Variants in ARMC8 observed in about 807,000 individuals in gnomAD.
ARMC8 encodes the protein armadillo repeat-containing protein 8.
Under a neutral mutation model 99.3 loss-of-function variants are expected in ARMC8, and 20 were observed. That is an observed-to-expected ratio of 0.20 (90% CI 0.14 to 0.29). The LOEUF (loss-of-function observed/expected upper bound fraction) is 0.29, where lower values mean the gene tolerates loss of function less well. ARMC8 is among the 10% of genes least tolerant of loss of function. The pLI is 1.00. For synonymous variants in ARMC8, 263 were observed against 278.3 expected, an observed-to-expected ratio of 0.95 and a Z score of 0.55; for missense variants, 569 against 809.5, an observed-to-expected ratio of 0.70 and a Z score of 3.60.
chr3:138,202,123 G>A (rs1013985402), intron 1 of ARMC8, among the ~76,000 whole-genome samples: 11 of 152,088 alleles, frequency 7.2e-5, no homozygotes, highest in South Asian at 6.2e-4. Context: ...CCCCAAACCA[G>A]GATTTTCTCT....
At chr3:138,194,805 A>T (rs191595896) in intron 1 of ARMC8, among the ~76,000 whole-genome samples, 54 of 152,290 alleles carry the variant, frequency 3.5e-4, no homozygotes, top group African/African-American at 1.3e-3. Context: ...GGCAATAATT[A>T]GGAAAAAAAA....
chr3:138,269,717 T>C (rs1476584238), intron 15 of ARMC8, among the ~76,000 whole-genome samples: 2 of 151,920 alleles, frequency 1.3e-5, no homozygotes, highest in Non-Finnish European at 2.9e-5. Context: ...AATGGGATCA[T>C]AAGGGTCTGT....
intron 12 of ARMC8, chr3:138,262,614 T>G: frequency 6.8e-7 from 1 of 1,461,234 alleles, no homozygotes; most frequent in African/African-American, 1.4e-5. Flanking sequence ...AAAAAAAAAA[T>G]TTAGGTGCCT....
chr3:138,247,451 C>G (rs2046932287), intron 12 of ARMC8, among the ~76,000 whole-genome samples: 1 of 152,152 alleles, frequency 6.6e-6, no homozygotes, highest in Admixed American at 6.5e-5. Flanking sequence ...TACTTCTCCC[C>G]CTCAAAAACC....
intron 5 of ARMC8, among the ~76,000 whole-genome samples, 163 bp downstream of exon 5, chr3:138,223,896 G>A (rs2045539791): frequency 6.6e-6 from 1 of 152,048 alleles, no homozygotes; most frequent in Non-Finnish European, 1.5e-5. Context: ...GGCTGAGGTG[G>A]GAGGATTGCT....
chr3:138,258,445 T>G (rs1163474498), intron 12 of ARMC8, among the ~76,000 whole-genome samples: 1 of 152,242 alleles, frequency 6.6e-6, no homozygotes, highest in Non-Finnish European at 1.5e-5. Flanking sequence ...TTGGATCTAC[T>G]AAAGGTCATG....
chr3:138,240,132 T>C (rs2046538679), intron 10 of ARMC8, among the ~76,000 whole-genome samples: 1 of 152,196 alleles, frequency 6.6e-6, no homozygotes, highest in South Asian at 2.1e-4. Flanking sequence ...CTCCAGATTA[T>C]GAAAATTGAA....
chr3:138,229,132 GTGTATATATA>G (rs1280125987), intron 6 of ARMC8, 122 bp downstream of exon 6: 2 of 110,068 alleles, frequency 1.8e-5, no homozygotes, highest in African/African-American at 9.7e-5. Context: ...GTGTGTGTGC[GTGTATATATA>G]TATATATATA....
At chr3:138,226,465 A>G (rs2045702468) in intron 5 of ARMC8, among the ~76,000 whole-genome samples, 1 of 152,230 alleles carries the variant, frequency 6.6e-6, no homozygotes, top group Non-Finnish European at 1.5e-5. Flanking sequence ...TTTATGATCC[A>G]GTGAGTCTTG....
At chr3:138,237,209 C>A in intron 7 of ARMC8, 100 bp from the exon 8 acceptor site, 1 of 1,010,350 alleles carries the variant, frequency 9.9e-7, no homozygotes, top group Admixed American at 2.2e-5. Flanking sequence ...GTATTTTAAG[C>A]AGATTTACAT....
At chr3:138,235,752 T>G (rs2046297036) in intron 7 of ARMC8, among the ~76,000 whole-genome samples, 1 of 152,058 alleles carries the variant, frequency 6.6e-6, no homozygotes, top group Non-Finnish European at 1.5e-5. Flanking sequence ...AAGCAGTCAT[T>G]TTTGTCTTCT....
chr3:138,228,595 C>T (rs2045817017), intron 5 of ARMC8: 1 of 432,222 alleles, frequency 2.3e-6, no homozygotes. Context: ...AGTTACCTCA[C>T]ATTTTGGTTT....
intron 19 of ARMC8, chr3:138,287,521 T>G (rs2050546062): frequency 2.5e-6 from 1 of 404,358 alleles, no homozygotes; most frequent in Non-Finnish European, 5.1e-6. Context: ...AATAAACTTA[T>G]GCATAGTAAA....
chr3:138,190,847 G>C (rs1291212538), intron 1 of ARMC8, among the ~76,000 whole-genome samples: 4 of 152,136 alleles, frequency 2.6e-5, no homozygotes, highest in African/African-American at 9.7e-5. Context: ...TTAGCCTAGT[G>C]GGAAAAATAG....
chr3:138,211,942 G>C (rs896175525), intron 2 of ARMC8, among the ~76,000 whole-genome samples: 1 of 152,146 alleles, frequency 6.6e-6, no homozygotes, highest in Non-Finnish European at 1.5e-5. Flanking sequence ...AGAAGAGAAA[G>C]GGGGAAAAAA....
intron 7 of ARMC8, among the ~76,000 whole-genome samples, chr3:138,235,798 C>CTTTTTTTTTTTTTTTTTTTTT (rs71146120): frequency 1.2e-5 from 1 of 80,540 alleles, no homozygotes; most frequent in Non-Finnish European, 2.3e-5. Context: ...TCCTTTTAGT[C>CTTTTTTTTTTTTTTTTTTTTT]TTTTTTTTTT....
At chr3:138,188,237 A>G (rs2043185421) in intron 1 of ARMC8, 2 of 512,234 alleles carry the variant, frequency 3.9e-6, no homozygotes, top group Non-Finnish European at 6.5e-6. Flanking sequence ...GCTCTGAGTC[A>G]GAGGAACTCT....
chr3:138,245,188 G>A lies in ARMC8; in HGVS notation c.1134+5G>A, dbSNP rs779134602. On this transcript the variant is annotated splice_donor_5th_base_variant and intron_variant, in intron 12 of 21. Transcript: ENST00000469044. ...GATGAAGACATCCGGAAGAAGGTGA[G>A]TCTGGGAGAGGGGCGTCCCCCAGTC... 1 of 1,614,224 alleles carries A rather than the reference G, an allele frequency of 6.2e-7. No homozygotes were observed. The highest frequency in any genetic ancestry group is 8.5e-7 in the Non-Finnish European group (1 of 1,180,040).
intron 18 of ARMC8, among the ~76,000 whole-genome samples, chr3:138,280,477 CT>C (rs369199976): frequency 2.3e-3 from 336 of 148,818 alleles, no homozygotes; most frequent in Non-Finnish European, 3.6e-3. Flanking sequence ...ACCACCATGC[CT>C]GGTTACTTTC....
Sources: gnomAD v4.1 joint callset for allele counts (sites outside exome capture counted in the v4.1 genomes callset) on GRCh38, gnomAD v4.1.1 for gene constraint, MANE v1.5 for transcripts, NCBI Gene and HGNC (gene_info 2026-07-23, HGNC 2026-07-21) for gene names.